CKAP5: variants seen among roughly 807,000 people sequenced by gnomAD.
The protein encoded by CKAP5 is cytoskeleton associated protein 5, also known as cytoskeleton-associated protein 5.
A neutral mutation model predicts 232.8 loss-of-function variants in CKAP5; 27 were observed. The observed-to-expected ratio is 0.12, with a 90% CI of 0.09 to 0.16. The LOEUF (loss-of-function observed/expected upper bound fraction) is 0.16, where lower values mean the gene tolerates loss of function less well. CKAP5 is among the 10% of genes least tolerant of loss of function. The pLI is 1.00. For missense variants in CKAP5, 1,838 were observed against 2,424.7 expected, an observed-to-expected ratio of 0.76 and a Z score of 5.08; for synonymous variants, 785 against 841.1, an observed-to-expected ratio of 0.93 and a Z score of 1.16.
At chr11:46,837,417 T>C (rs747824413) in intron 1 of CKAP5, among the ~76,000 whole-genome samples, 2 of 152,176 alleles carry the variant, frequency 1.3e-5, no homozygotes, top group East Asian at 1.9e-4. Flanking sequence ...TTTATAGATA[T>C]GTCTATATAC....
intron 8 of CKAP5, among the ~76,000 whole-genome samples, chr11:46,802,541 GA>G (rs1394274554): frequency 1.5e-5 from 2 of 134,374 alleles, no homozygotes; most frequent in African/African-American, 6.7e-5. Context: ...AAGACAGACA[GA>G]CAGACAGACA....
At position 46,790,563 on chromosome 11, in the gene CKAP5, C is replaced by T. The variant is rs565677669; in HGVS notation, c.1671G>A (p.Lys557=). 17 of 1,613,532 alleles carry T rather than the reference C, an allele frequency of 1.1e-5. No homozygotes were observed. In the African/African-American group the frequency reaches 2.0e-4, roughly 19 times the overall value. ...PAAKAGGPPK[K]GKPAAPGGAG... ...CGCCTCCTGGTGCAGCTGGTTTCCC[C>T]TTTTTTGGTGGCCCACCAGCCTAAA... Residue 557 remains lysine, a synonymous_variant, in exon 14 of 44, where the codon AAG becomes AAA. Transcript: ENST00000529230.
chr11:46,763,410 C>T, intron 29 of CKAP5, 71 bp downstream of exon 29: 1 of 1,391,534 alleles, frequency 7.2e-7, no homozygotes, highest in Non-Finnish European at 9.8e-7. Flanking sequence ...ATGCAAACTT[C>T]AGATTATTTC....
rs1258719013 is a variant in CKAP5, at chr11:46,744,031, G to A, written c.6091C>T (p.Arg2031Cys). Reference protein sequence around the residue: ...KKRLERIKSSRK With the variant: ...KKRLERIKSSCK ...GGGGGAGTGGGGCAGCTTCATTTGCGACTGCTCTTTATTCTCTCCAGTCTT... is the reference window on the plus strand; with the variant it reads ...GGGGGAGTGGGGCAGCTTCATTTGCAACTGCTCTTTATTCTCTCCAGTCTT... The change falls in exon 44 of 44, where the codon CGC becomes TGC. Residue 2031 changes from arginine (R) to cysteine (C), a missense_variant. Physicochemically the swap from Arg to Cys is radical, Grantham distance 180. Coordinates refer to ENST00000529230, the MANE Select transcript of CKAP5 (RefSeq NM_001008938.4). 5 of 1,612,742 alleles carry A rather than the reference G, an allele frequency of 3.1e-6. No homozygotes were observed. The highest frequency in any genetic ancestry group is 1.1e-5 in the South Asian group (1 of 90,984).
rs146319018 is a variant in CKAP5 at position 46,784,125 on chromosome 11, T to C, written c.2154+363A>G. 2.1e-3 allele frequency among the ~76,000 whole-genome samples: 316 copies of C among 151,576 alleles called. 1 individual carries two copies. The highest frequency in any genetic ancestry group is 6.9e-3 in the African/African-American group (286 of 41,370). On this transcript the variant is annotated intron_variant, in intron 17 of 43. Coordinates refer to ENST00000529230, the MANE Select transcript of CKAP5 (RefSeq NM_001008938.4). Reference sequence around the variant, plus strand: ...GGCTCACACCTGTAATCCCAGCACTTTGGGAGGCCGAGGCAGGCAGATCAC... The same window carrying C: ...GGCTCACACCTGTAATCCCAGCACTCTGGGAGGCCGAGGCAGGCAGATCAC...
intron 18 of CKAP5, 114 bp from the exon 19 acceptor site, chr11:46,780,599 T>C: frequency 1.3e-6 from 1 of 764,188 alleles, no homozygotes. Flanking sequence ...TCTCACTTTT[T>C]CTCTTCCTAC....
intron 35 of CKAP5, among the ~76,000 whole-genome samples, chr11:46,755,642 T>C (rs576418836): frequency 1.3e-4 from 20 of 151,670 alleles, no homozygotes; most frequent in Admixed American, 2.6e-4. Context: ...ATAATCCTTA[T>C]GTTTGGCTGG....
At position 46,801,497 on chromosome 11, in the gene CKAP5, C is replaced by T. The variant is rs111860312; in HGVS notation, c.979-193G>A. On this transcript the variant is annotated intron_variant, in intron 8 of 43. Coordinates refer to ENST00000529230, the MANE Select transcript of CKAP5 (RefSeq NM_001008938.4). ...TCAGCCTGACCAACATGGTGAGACC[C>T]TGTCTCTACTAAAAATACAAAAATT... Among the ~76,000 whole-genome samples, 421 of 152,218 alleles carry T rather than the reference C, an allele frequency of 2.8e-3. 2 individuals carry two copies. The highest frequency in any genetic ancestry group is 9.6e-3 in the African/African-American group (399 of 41,528).
intron 1 of CKAP5, among the ~76,000 whole-genome samples, chr11:46,839,734 T>G (rs2134722613): frequency 6.6e-6 from 1 of 152,334 alleles, no homozygotes; most frequent in African/African-American, 2.4e-5. Flanking sequence ...GGAGACAGAC[T>G]GACTTGGGTT....
chr11:46,743,551 C>A lies in CKAP5; in HGVS notation c.*472G>T, dbSNP rs1233917817. On this transcript the variant is annotated 3_prime_UTR_variant, in exon 44 of 44. Coordinates refer to ENST00000529230, the MANE Select transcript of CKAP5 (RefSeq NM_001008938.4). ...TCTTGGGAGTCAGGTATAGTTAATG[C>A]AAACTTTATTTATAAAAGACTCTTA... 1.2e-5 allele frequency: 2 copies of A among 161,918 alleles called. No homozygotes were observed. The highest frequency in any genetic ancestry group is 1.1e-4 in the Admixed American group (2 of 17,482). The allele number at this position is 161,918 out of a possible 1,614,324, so 10.0% of individuals were successfully genotyped here. A position where few individuals can be genotyped will look rare whatever the true frequency, so the allele number is the denominator to read the frequency against.
At chr11:46,791,193 A>G (rs1346980710) in intron 13 of CKAP5, among the ~76,000 whole-genome samples, 1 of 152,018 alleles carries the variant, frequency 6.6e-6, no homozygotes, top group Non-Finnish European at 1.5e-5. Flanking sequence ...ACATTTACAA[A>G]TTAATTTGAG....
rs138034119 is a variant in CKAP5 at position 46,784,520 on chromosome 11, C to T, written c.2122G>A (p.Glu708Lys). The T allele has an allele frequency of 2.1e-5, 34 of 1,613,948 alleles. No homozygotes were observed. Among genetic ancestry groups the T allele is most frequent in the Non-Finnish European group, 2.6e-5 (31 of 1,179,952 alleles). The change falls in exon 17 of 44, where the codon GAA (glutamate) becomes AAA (lysine). Residue 708 changes from glutamate to lysine, a missense_variant. This residue lies in a region of CKAP5 where 767 missense variants were observed against 954.6 expected (regional missense o/e 0.80). Coordinates refer to ENST00000529230, the MANE Select transcript of CKAP5 (RefSeq NM_001008938.4). ...NAKEAMTAIA[E>K]ACMLPWTAEQ... is the part of the protein sequence containing the mutation. ...GCAGTCCATGGTAACATACAGGCTT[C>T]GGCTATTGCTGTCATAGCTTCTTTT...
rs182782377 is a variant in CKAP5 at position 46,812,952 on chromosome 11, A to C, written c.459-1774T>G. Among the ~76,000 whole-genome samples, 250 of 151,896 alleles carry C rather than the reference A, an allele frequency of 1.6e-3. 2 individuals carry two copies. Among genetic ancestry groups the C allele is most frequent in the Admixed American group, 2.3e-3 (35 of 15,230 alleles). On this transcript the variant is annotated intron_variant, in intron 4 of 43. Coordinates refer to ENST00000529230, the MANE Select transcript of CKAP5 (RefSeq NM_001008938.4). ...GGCATGAGCCACTGCTCCTGGCCTT[A>C]ATTATTATTATTATTTTTGAGATAG... is the stretch of plus-strand genomic sequence containing the variant.
rs780232262 is a variant in CKAP5 at position 46,751,206 on chromosome 11, T to A, written c.5372A>T (p.Glu1791Val). ...MIDNKNESEL[E>V]AHLCRMMKHS... ...CTTCATCATCCGGCAGAGATGGGCC[T>A]CCAGCTCAGACTCGTTTTTGTTGTC... is the stretch of plus-strand genomic sequence containing the variant. The change falls in exon 40 of 44, where the codon GAG becomes GTG. Residue 1791 changes from glutamate (E) to valine (V), a missense_variant. Transcript: ENST00000529230. The A allele has an allele frequency of 4.3e-6, 7 of 1,614,210 alleles. No homozygotes were observed. The highest frequency in any genetic ancestry group is 5.9e-6 in the Non-Finnish European group (7 of 1,180,040).
At chr11:46,822,748 A>C (rs1400875603) in intron 1 of CKAP5, among the ~76,000 whole-genome samples, 3 of 150,678 alleles carry the variant, frequency 2.0e-5, no homozygotes, top group Non-Finnish European at 4.4e-5. Flanking sequence ...TCCCAAAAAA[A>C]AAAAAAAAAA....
At chr11:46,803,959 A>T (rs1031470032) in intron 8 of CKAP5, among the ~76,000 whole-genome samples, 6 of 152,240 alleles carry the variant, frequency 3.9e-5, no homozygotes, top group Non-Finnish European at 7.3e-5. Flanking sequence ...CATCAAAAAC[A>T]TGTAAGATCC....
chr11:46,763,645 C>A lies in CKAP5; in HGVS notation c.3538-15G>T. 6.6e-7 allele frequency: 1 copy of A among 1,517,606 alleles called. No homozygotes were observed. The highest frequency in any genetic ancestry group is 8.8e-7 in the Non-Finnish European group (1 of 1,131,262). 94.0% of individuals were successfully genotyped at this position (1,517,606 alleles called of 1,614,324 possible). On this transcript the variant is annotated splice_polypyrimidine_tract_variant and intron_variant, in intron 28 of 43. Coordinates refer to ENST00000529230, the MANE Select transcript of CKAP5 (RefSeq NM_001008938.4). ...CACTTTAGCACCTGGAAAAAACAAA[C>A]GGTGAAAAGGGGCTACAGGGTGTTC...
rs1055286187 is a variant in CKAP5, at chr11:46,812,095, G to A, written c.459-917C>T. Reference sequence around the variant, plus strand: ...ACCTATAATCCCGGCACTTTGGGAGGCTGAGGCAGGTAGATCACCTGGGGT... The same window carrying A: ...ACCTATAATCCCGGCACTTTGGGAGACTGAGGCAGGTAGATCACCTGGGGT... On this transcript the variant is annotated intron_variant, in intron 4 of 43. Coordinates refer to ENST00000529230, the MANE Select transcript of CKAP5 (RefSeq NM_001008938.4). Among the ~76,000 whole-genome samples, 4 of 152,152 alleles carry A rather than the reference G, an allele frequency of 2.6e-5. No homozygotes were observed. In the South Asian group the frequency reaches 6.2e-4, roughly 24 times the overall value.
At chr11:46,823,688 A>G (rs1256272184) in intron 1 of CKAP5, among the ~76,000 whole-genome samples, 1 of 152,118 alleles carries the variant, frequency 6.6e-6, no homozygotes. Flanking sequence ...CCTGGGCTCA[A>G]GTGATCCTCC....
Sources: gnomAD v4.1 joint callset for allele counts (sites outside exome capture counted in the v4.1 genomes callset) on GRCh38, gnomAD v4.1.1 for gene constraint, gnomAD v4.1.1 regional missense constraint, MANE v1.5 for transcripts, NCBI Gene and HGNC (gene_info 2026-07-23, HGNC 2026-07-21) for gene names.